Variants in MYT1L observed in about 807,000 individuals in gnomAD.
MYT1L encodes myelin transcription factor 1-like protein.
In MYT1L, 12 loss-of-function variants were observed where a neutral mutation model predicts 126.7. That is an observed-to-expected ratio of 0.09 (90% confidence interval 0.06 to 0.15). The LOEUF (loss-of-function observed/expected upper bound fraction) is 0.15. Ranked by LOEUF, MYT1L falls within the 10% of genes least tolerant of loss-of-function variation. MYT1L has a pLI of 1.00. For synonymous variants in MYT1L, 541 were observed against 604.2 expected (o/e 0.90, Z 1.53); for missense variants, 979 against 1,585.2 (o/e 0.62, Z 6.49).
At chr2:2,330,011 C>T (rs1237548568) in intron 1 of MYT1L, among the ~76,000 whole-genome samples, 1 of 150,834 alleles carries the variant, frequency 6.6e-6, no homozygotes. Context: ...AAACTCTTTT[C>T]TTTTAAAAAT....
At chr2:2,065,844 A>ACACG (rs1004992924) in intron 3 of MYT1L, among the ~76,000 whole-genome samples, 9 of 122,564 alleles carry the variant, frequency 7.3e-5, no homozygotes, top group African/African-American at 2.5e-4. Flanking sequence ...ACACACACAC[A>ACACG]CACGCACACA....
chr2:1,898,170 GAATA>G lies in MYT1L; in HGVS notation c.2032+4906_2032+4909del, dbSNP rs199791086. On this transcript the variant is annotated intron_variant, in intron 14 of 24. Coordinates refer to ENST00000647738, the MANE Select transcript of MYT1L (RefSeq NM_001303052.2). ...TTATGTATTCACCTTTTCTTGCAGA[GAATA>G]GATAAACATGTCTCCACAATATGAA... is the stretch of plus-strand genomic sequence containing the variant. 8.0e-3 allele frequency among the ~76,000 whole-genome samples: 1,215 copies of G among 152,242 alleles called. 15 individuals are homozygous for G. Among genetic ancestry groups the G allele is most frequent in the African/African-American group, 0.028 (1,172 of 41,532 alleles).
intron 4 of MYT1L, among the ~76,000 whole-genome samples, chr2:2,014,096 C>T (rs1469854632): frequency 6.6e-6 from 1 of 152,166 alleles, no homozygotes; most frequent in Non-Finnish European, 1.5e-5. Context: ...AGTAGATTGC[C>T]TCCTTGCACC....
intron 2 of MYT1L, among the ~76,000 whole-genome samples, chr2:2,214,246 CATG>C (rs972983470): frequency 8.7e-5 from 13 of 149,496 alleles, no homozygotes; most frequent in African/African-American, 2.7e-4. Context: ...AAAAAAGAAA[CATG>C]AGACAAATTA....
chr2:1,795,625 G>A (rs1015375919), intron 23 of MYT1L: 11 of 152,304 alleles, frequency 7.2e-5, no homozygotes, highest in Non-Finnish European at 1.0e-4. Flanking sequence ...CTGGCTGGGA[G>A]CTGGGCCGGC....
chr2:2,114,467 G>A (rs989415797), intron 3 of MYT1L, among the ~76,000 whole-genome samples: 1 of 152,048 alleles, frequency 6.6e-6, no homozygotes, highest in Non-Finnish European at 1.5e-5. Flanking sequence ...CCTTATAATC[G>A]CCCAGTTTAA....
intron 4 of MYT1L, among the ~76,000 whole-genome samples, chr2:2,038,668 A>C (rs1231070338): frequency 6.6e-6 from 1 of 151,442 alleles, no homozygotes; most frequent in East Asian, 1.9e-4. Context: ...GTTTGCTTAG[A>C]ATTTTTTTTT....
At chr2:2,063,223 T>C (rs2070767194) in intron 3 of MYT1L, among the ~76,000 whole-genome samples, 1 of 152,238 alleles carries the variant, frequency 6.6e-6, no homozygotes, top group African/African-American at 2.4e-5. Flanking sequence ...AAACCCAATG[T>C]AGCTTCTCTT....
intron 4 of MYT1L, among the ~76,000 whole-genome samples, chr2:2,019,652 T>C (rs570456539): frequency 6.6e-6 from 1 of 152,316 alleles, no homozygotes; most frequent in Non-Finnish European, 1.5e-5. Context: ...CCTTTGTTAG[T>C]TTTTTCTATA....
intron 4 of MYT1L, among the ~76,000 whole-genome samples, chr2:2,025,261 C>T (rs1304000156): frequency 4.6e-5 from 7 of 152,150 alleles, no homozygotes; most frequent in African/African-American, 7.2e-5. Flanking sequence ...TGCCCCGCCT[C>T]GGTTTGCTCT....
chr2:2,225,120 T>C (rs79381065), intron 2 of MYT1L, among the ~76,000 whole-genome samples: 1 of 151,904 alleles, frequency 6.6e-6, no homozygotes, highest in Non-Finnish European at 1.5e-5. Context: ...TTTTTTTTTT[T>C]CTCAGTCTCC....
At chr2:2,104,507 G>A (rs34888331) in intron 3 of MYT1L, among the ~76,000 whole-genome samples, 4,961 of 152,314 alleles carry the variant, frequency 0.033, 105 homozygotes, top group East Asian at 0.077. Flanking sequence ...CTTTTCAGGC[G>A]GGCAGGATGG....
In MYT1L at chr2:2,124,454, C is replaced by T. The variant is rs185501802; in HGVS notation, c.-304+48418G>A. On this transcript the variant is annotated intron_variant, in intron 3 of 24. Coordinates refer to ENST00000647738, the MANE Select transcript of MYT1L (RefSeq NM_001303052.2). ...GGGATTACAGGCACGTGCCACCACA[C>T]CTGGCTGATTTTGGTATTTTTAGTA... is the stretch of plus-strand genomic sequence containing the variant. Among the ~76,000 whole-genome samples, 197 of 152,112 alleles carry T rather than the reference C, an allele frequency of 1.3e-3. 1 individual carries two copies. Among genetic ancestry groups the T allele is most frequent in the African/African-American group, 4.1e-3 (170 of 41,498 alleles).
At chr2:2,097,954 T>C (rs1365607657) in intron 3 of MYT1L, among the ~76,000 whole-genome samples, 1 of 152,172 alleles carries the variant, frequency 6.6e-6, no homozygotes, top group Non-Finnish European at 1.5e-5. Context: ...TAAGATCTGG[T>C]TGTGTAAAAG....
intron 18 of MYT1L, among the ~76,000 whole-genome samples, chr2:1,881,511 T>C (rs1458164431): frequency 6.6e-6 from 1 of 152,170 alleles, no homozygotes; most frequent in Non-Finnish European, 1.5e-5. Context: ...AAAACTCCAA[T>C]AGGCTGTATT....
At chr2:1,827,719 C>G (rs1382093559) in intron 21 of MYT1L, 2 of 152,192 alleles carry the variant, frequency 1.3e-5, no homozygotes, top group Non-Finnish European at 2.9e-5. Context: ...TATCTGGTCT[C>G]TGGACAGGGT....
intron 2 of MYT1L, among the ~76,000 whole-genome samples, chr2:2,213,231 G>T (rs572014254): frequency 6.6e-6 from 1 of 152,162 alleles, no homozygotes; most frequent in Non-Finnish European, 1.5e-5. Context: ...AAAACAAAAT[G>T]CTTGTCCTGG....
intron 3 of MYT1L, among the ~76,000 whole-genome samples, chr2:2,124,364 C>CA (rs2081415419): frequency 6.6e-6 from 1 of 152,016 alleles, no homozygotes; most frequent in African/African-American, 2.4e-5. Context: ...GGTGCAACCT[C>CA]AGCTCACTGC....
chr2:2,172,353 C>A (rs1340996109), intron 3 of MYT1L, among the ~76,000 whole-genome samples: 1 of 152,180 alleles, frequency 6.6e-6, no homozygotes, highest in African/African-American at 2.4e-5. Flanking sequence ...CTGGCCACCC[C>A]GAGGCATCCT....
Sources: gnomAD v4.1 joint callset for allele counts (sites outside exome capture counted in the v4.1 genomes callset) on GRCh38, gnomAD v4.1.1 for gene constraint, MANE v1.5 for transcripts, NCBI Gene and HGNC (gene_info 2026-07-23, HGNC 2026-07-21) for gene names.